POU3F3: variants seen among roughly 807,000 people sequenced by gnomAD.
POU3F3 encodes the protein POU class 3 homeobox 3.
Under a neutral mutation model 8.6 loss-of-function variants are expected in POU3F3, and 1 was observed. The observed-to-expected ratio is 0.12, with a 90% CI of 0.04 to 0.55. The LOEUF (loss-of-function observed/expected upper bound fraction) is 0.55. Among genes scored for constraint, POU3F3 ranks in the 20% least tolerant of loss-of-function variants. The pLI is 0.91. For missense variants in POU3F3, 577 were observed against 690.7 expected (o/e 0.84, Z 1.84); for synonymous variants, 418 against 327.4 (o/e 1.28, Z -2.99).
At chr2:104,863,627 G>C in the POU3F3 span, among the ~76,000 whole-genome samples, 1 of 152,128 alleles carries the variant, frequency 6.6e-6, no homozygotes, top group Non-Finnish European at 1.5e-5. Context: ...TGGAGCGGAG[G>C]ACAAAGTAAA....
the POU3F3 span, among the ~76,000 whole-genome samples, chr2:104,919,903 C>CT: frequency 6.6e-6 from 1 of 152,148 alleles, no homozygotes; most frequent in African/African-American, 2.4e-5. Context: ...ACAGAGGCGG[C>CT]TGAAAAGGAC....
At chr2:104,884,911 A>G in the POU3F3 span, among the ~76,000 whole-genome samples, 1 of 152,156 alleles carries the variant, frequency 6.6e-6, no homozygotes, top group Non-Finnish European at 1.5e-5. Context: ...GGGGTCACTG[A>G]AAACAGAGCC....
downstream of POU3F3, among the ~76,000 whole-genome samples, chr2:104,862,793 CT>C (rs1676681190): frequency 6.6e-6 from 1 of 152,178 alleles, no homozygotes; most frequent in South Asian, 2.1e-4. Flanking sequence ...AATATGCAAG[CT>C]TTTTGTATTC....
chr2:104,890,350 A>T, the POU3F3 span, among the ~76,000 whole-genome samples: 7 of 151,334 alleles, frequency 4.6e-5, no homozygotes, highest in African/African-American at 1.7e-4. Flanking sequence ...TCACCCTTCT[A>T]GGTGTCCGCG....
chr2:104,912,044 G>A, the POU3F3 span, among the ~76,000 whole-genome samples: 15 of 152,156 alleles, frequency 9.9e-5, no homozygotes, highest in Non-Finnish European at 1.5e-5. Flanking sequence ...GGGTGTGCAC[G>A]CCACTCACAG....
chr2:104,873,757 C>T, the POU3F3 span, among the ~76,000 whole-genome samples: 2 of 152,300 alleles, frequency 1.3e-5, no homozygotes, highest in African/African-American at 4.8e-5. Flanking sequence ...ATTACCACCA[C>T]CAAAAACATA....
the POU3F3 span, among the ~76,000 whole-genome samples, chr2:104,926,333 G>A: frequency 6.6e-5 from 10 of 152,172 alleles, no homozygotes; most frequent in African/African-American, 2.4e-4. Flanking sequence ...ACATTTATGT[G>A]GCCAATAAAC....
At chr2:104,905,620 T>G in the POU3F3 span, among the ~76,000 whole-genome samples, 1 of 152,214 alleles carries the variant, frequency 6.6e-6, no homozygotes, top group Non-Finnish European at 1.5e-5. Context: ...GGGTCATGCC[T>G]CTGAGGTTTT....
At chr2:104,890,382 G>A in the POU3F3 span, among the ~76,000 whole-genome samples, 5 of 152,126 alleles carry the variant, frequency 3.3e-5, no homozygotes, top group Non-Finnish European at 7.4e-5. Flanking sequence ...TCTCGGTTGT[G>A]TGACAAGAAC....
rs1460203645 is a variant in POU3F3 at position 104,857,620 on chromosome 2, C to G, written c.*607C>G. 1 of 153,628 alleles carries G rather than the reference C, an allele frequency of 6.5e-6. No homozygotes were observed. The highest frequency in any genetic ancestry group is 1.5e-5 in the Non-Finnish European group (1 of 68,026). 9.5% of individuals were successfully genotyped at this position (153,628 alleles called of 1,614,324 possible). A position where few individuals can be genotyped will look rare whatever the true frequency, so the allele number is the denominator to read the frequency against. ...CCACGGAAACTTTATTTCCTGGGAG[C>G]GACCTGAGAGAAAACAGAGGCACCA... On this transcript the variant is annotated 3_prime_UTR_variant, in exon 1 of 1. Coordinates refer to ENST00000361360, the MANE Select transcript of POU3F3 (RefSeq NM_006236.3).
At chr2:104,907,633 T>C in the POU3F3 span, among the ~76,000 whole-genome samples, 17 of 152,208 alleles carry the variant, frequency 1.1e-4, no homozygotes, top group Non-Finnish European at 1.8e-4. Flanking sequence ...TTGAAGTAGC[T>C]ATCCATTCCT....
chr2:104,868,140 A>G, the POU3F3 span: 4 of 392,980 alleles, frequency 1.0e-5, no homozygotes, highest in South Asian at 5.4e-5. Context: ...ATGACCTCCA[A>G]CTTCACCCCC....
At position 104,857,200 on chromosome 2, in the gene POU3F3, CA is replaced by C; in HGVS notation, c.*188del. On this transcript the variant is annotated 3_prime_UTR_variant, in exon 1 of 1. Transcript: ENST00000361360. ...CGCCGCCCTCCCCTCCACCCAGAGA[CA>C]GGCATGCCCGCCCTTGGAGGAGAAA... The C allele has an allele frequency of 1.7e-6, 1 of 586,484 alleles. No homozygotes were observed. Among genetic ancestry groups the C allele is most frequent in the Non-Finnish European group, 2.2e-6 (1 of 464,500 alleles). 36.3% of individuals were successfully genotyped at this position (586,484 alleles called of 1,614,324 possible).
At chr2:104,902,713 A>G in the POU3F3 span, among the ~76,000 whole-genome samples, 1 of 152,182 alleles carries the variant, frequency 6.6e-6, no homozygotes, top group African/African-American at 2.4e-5. Context: ...AAGAAATGTT[A>G]ATTTCTACTA....
At chr2:104,895,355 C>T in the POU3F3 span, among the ~76,000 whole-genome samples, 449 of 152,280 alleles carry the variant, frequency 2.9e-3, 3 homozygotes, top group African/African-American at 0.01. Context: ...TCAGTTCCTT[C>T]GGATGCTGTA....
the POU3F3 span, chr2:104,872,544 C>T: frequency 6.2e-6 from 2 of 321,924 alleles, no homozygotes; most frequent in East Asian, 2.2e-4. The surrounding 1 kb of genome is among the most constrained non-coding windows in gnomAD (Gnocchi z 4.6). Context: ...TAACCCCCGC[C>T]CTCCCGGTCC....
chr2:104,855,988 G>A lies in POU3F3; in HGVS notation c.478G>A (p.Ala160Thr), dbSNP rs1676556740. 1.9e-6 allele frequency: 2 copies of A among 1,030,898 alleles called. No homozygotes were observed. Among genetic ancestry groups the A allele is most frequent in the South Asian group, 3.2e-5 (1 of 31,186 alleles). The allele number at this position is 1,030,898 out of a possible 1,614,324, so 63.9% of individuals were successfully genotyped here. A position where few individuals can be genotyped will look rare whatever the true frequency, so the allele number is the denominator to read the frequency against. ...CGGCGCCGGGCGCGACGACCTGCAC[G>A]CGGGCACAGCGCTGCACCACCGCGG... ...KGGAGRDDLH[A>T]GTALHHRGPP... The change falls in exon 1 of 1, where the codon GCG becomes ACG. Residue 160 changes from alanine (A) to threonine (T), a missense_variant. Ala to Thr is a moderately conservative substitution (Grantham distance 58). Around this residue, in one of 7 missense-constraint regions of POU3F3, gnomAD observed 484 missense variants for 422.6 expected, o/e 1.15. Coordinates refer to ENST00000361360, the MANE Select transcript of POU3F3 (RefSeq NM_006236.3).
rs370409837 is a variant in POU3F3 at position 104,857,331 on chromosome 2, A to G, written c.*318A>G. 4 of 155,348 alleles carry G rather than the reference A, an allele frequency of 2.6e-5. No homozygotes were observed. The highest frequency in any genetic ancestry group is 9.6e-5 in the African/African-American group (4 of 41,504). 9.6% of individuals were successfully genotyped at this position (155,348 alleles called of 1,614,324 possible). A position where few individuals can be genotyped will look rare whatever the true frequency, so the allele number is the denominator to read the frequency against. On this transcript the variant is annotated 3_prime_UTR_variant, in exon 1 of 1. Transcript: ENST00000361360. ...CCAGACTGTTTTGTATACATATATAACAAACAAAACCGGAAGAGAAAAAGG... is the reference window on the plus strand; with the variant it reads ...CCAGACTGTTTTGTATACATATATAGCAAACAAAACCGGAAGAGAAAAAGG...
At chr2:104,902,359 A>G in the POU3F3 span, among the ~76,000 whole-genome samples, 3 of 152,282 alleles carry the variant, frequency 2.0e-5, no homozygotes, top group East Asian at 5.8e-4. Context: ...GGCATTGCAG[A>G]GTGGAATGAA....
Sources: gnomAD v4.1 joint callset for allele counts (sites outside exome capture counted in the v4.1 genomes callset) on GRCh38, gnomAD v4.1.1 for gene constraint, gnomAD v4.1.1 regional missense constraint, Gnocchi (gnomAD v3.1) non-coding constraint, MANE v1.5 for transcripts, NCBI Gene and HGNC (gene_info 2026-07-23, HGNC 2026-07-21) for gene names.